Variants in ANXA5 observed in about 807,000 individuals in gnomAD.
The protein encoded by ANXA5 is CBP-I.
A neutral mutation model predicts 48.1 loss-of-function variants in ANXA5; 40 were observed. The observed-to-expected ratio is 0.83, with a 90% CI of 0.65 to 1.08. The LOEUF (loss-of-function observed/expected upper bound fraction) is 1.08, where lower values mean the gene tolerates loss of function less well. ANXA5 is among the 50% of genes least tolerant of loss of function. ANXA5 has a pLI of 0.00. For synonymous variants in ANXA5, 113 were observed against 129.1 expected (o/e 0.88, Z 0.85); for missense variants, 357 against 376.8 (o/e 0.95, Z 0.44).
At chr4:121,685,034 G>GTATATATATATATATA (rs71599154) in intron 3 of ANXA5, among the ~76,000 whole-genome samples, 1 of 135,926 alleles carries the variant, frequency 7.4e-6, no homozygotes, top group African/African-American at 2.8e-5. Context: ...AAAAAAATAT[G>GTATATATATATATATA]TATATATATA....
intron 2 of ANXA5, among the ~76,000 whole-genome samples, chr4:121,693,165 C>T (rs1227231548): frequency 1.3e-5 from 2 of 151,662 alleles, no homozygotes; most frequent in Non-Finnish European, 2.9e-5. Flanking sequence ...ACCCAGGAAG[C>T]AGAGGTTGCA....
At chr4:121,676,876 A>C (rs1439888423) in intron 8 of ANXA5, among the ~76,000 whole-genome samples, 1 of 152,118 alleles carries the variant, frequency 6.6e-6, no homozygotes, top group East Asian at 1.9e-4. Context: ...AGGAACCCGG[A>C]CTTTATCCTG....
chr4:121,683,934 T>C (rs958585599), intron 4 of ANXA5, among the ~76,000 whole-genome samples: 1 of 152,138 alleles, frequency 6.6e-6, no homozygotes, highest in Non-Finnish European at 1.5e-5. Flanking sequence ...TAGTCATTGT[T>C]ATGACTCCTG....
intron 8 of ANXA5, 57 bp downstream of exon 8, chr4:121,677,837 G>T: frequency 7.1e-7 from 1 of 1,410,804 alleles, no homozygotes; most frequent in Non-Finnish European, 1.0e-6. Flanking sequence ...TCATTACCAT[G>T]AATTATTTCT....
intron 4 of ANXA5, 147 bp from the exon 5 acceptor site, chr4:121,683,624 C>A: frequency 4.2e-6 from 2 of 480,290 alleles, no homozygotes; most frequent in Non-Finnish European, 7.5e-6. Flanking sequence ...AACCCTATAA[C>A]CTTGAATAAC....
intron 7 of ANXA5, 50 bp from the exon 8 acceptor site, chr4:121,678,000 A>T: frequency 1.4e-6 from 2 of 1,472,678 alleles, no homozygotes; most frequent in Non-Finnish European, 9.5e-7. Flanking sequence ...ATTCTCATTC[A>T]AAAGGAAAAA....
chr4:121,677,765 T>G, intron 8 of ANXA5, 129 bp downstream of exon 8: 1 of 811,614 alleles, frequency 1.2e-6, no homozygotes, highest in Non-Finnish European at 2.1e-6. Flanking sequence ...GGTCTTATGC[T>G]ATGTAAATAA....
chr4:121,671,058 A>T (rs958726358), intron 10 of ANXA5, among the ~76,000 whole-genome samples: 3 of 152,198 alleles, frequency 2.0e-5, no homozygotes, highest in African/African-American at 7.2e-5. Flanking sequence ...GATTATTCTG[A>T]ATATTTAATT....
At chr4:121,690,907 G>T (rs750487272) in intron 2 of ANXA5, among the ~76,000 whole-genome samples, 4 of 152,224 alleles carry the variant, frequency 2.6e-5, no homozygotes, top group Non-Finnish European at 5.9e-5. Flanking sequence ...TAAGAGACCA[G>T]ATGTGAATCA....
Position 121,681,657 on chromosome 4 carries a change from TCA to T in ANXA5, c.394+12_394+13del, listed in dbSNP as rs1259195312. On this transcript the variant is annotated intron_variant, in intron 6 of 12. Transcript: ENST00000296511. ...AGTGGAGGTGAAGTCAAAATATAAC[TCA>T]CAAACATTTACCTTCTTCATAAACT... The T allele has an allele frequency of 6.3e-7, 1 of 1,582,852 alleles. No homozygotes were observed. The highest frequency in any genetic ancestry group is 8.7e-7 in the Non-Finnish European group (1 of 1,153,934).
At chr4:121,691,038 T>C (rs1168857294) in intron 2 of ANXA5, among the ~76,000 whole-genome samples, 1 of 152,218 alleles carries the variant, frequency 6.6e-6, no homozygotes, top group African/African-American at 2.4e-5. Context: ...GCTTCCCCTG[T>C]TTCCTGGAGT....
intron 7 of ANXA5, 160 bp downstream of exon 7, chr4:121,678,255 C>T (rs115172278): frequency 3.8e-4 from 242 of 644,692 alleles, no homozygotes; most frequent in African/African-American, 3.7e-3. Context: ...TATTCTGAAA[C>T]ACAAACAAGC....
intron 2 of ANXA5, among the ~76,000 whole-genome samples, chr4:121,689,917 T>C (rs544461656): frequency 6.6e-6 from 1 of 152,180 alleles, no homozygotes; most frequent in South Asian, 2.1e-4. Flanking sequence ...TTCTGTTTTT[T>C]GGATGAGAAA....
At chr4:121,692,354 C>T (rs1206758125) in intron 2 of ANXA5, among the ~76,000 whole-genome samples, 2 of 152,208 alleles carry the variant, frequency 1.3e-5, no homozygotes. Flanking sequence ...GTAAGAATGA[C>T]TTCCCTTGAC....
At chr4:121,673,469 TGCAGTTG>T (rs1724645081) in intron 8 of ANXA5, among the ~76,000 whole-genome samples, 1 of 152,216 alleles carries the variant, frequency 6.6e-6, no homozygotes. Context: ...GGCTGCTACT[TGCAGTTG>T]GCCTTATACC....
intron 8 of ANXA5, among the ~76,000 whole-genome samples, chr4:121,675,775 A>C (rs1261115560): frequency 1.3e-5 from 2 of 152,250 alleles, no homozygotes; most frequent in Non-Finnish European, 2.9e-5. Context: ...CCAGACTCCC[A>C]GCCCCTGCCC....
At chr4:121,691,436 T>G (rs1277763836) in intron 2 of ANXA5, among the ~76,000 whole-genome samples, 2 of 152,244 alleles carry the variant, frequency 1.3e-5, no homozygotes, top group African/African-American at 2.4e-5. Context: ...AGTATTCACC[T>G]GTCTGGAACA....
chr4:121,676,856 T>G (rs1476780273), intron 8 of ANXA5, among the ~76,000 whole-genome samples: 1 of 152,118 alleles, frequency 6.6e-6, no homozygotes, highest in Non-Finnish European at 1.5e-5. Flanking sequence ...AAGGGGCTTG[T>G]AACCCATTCA....
intron 5 of ANXA5, among the ~76,000 whole-genome samples, chr4:121,682,910 T>C (rs1724816452): frequency 6.6e-6 from 1 of 152,134 alleles, no homozygotes; most frequent in Admixed American, 6.5e-5. Context: ...TTTTAGTGTT[T>C]AGAGGGGCAG....
Sources: gnomAD v4.1 joint callset for allele counts (sites outside exome capture counted in the v4.1 genomes callset) on GRCh38, gnomAD v4.1.1 for gene constraint, MANE v1.5 for transcripts, NCBI Gene and HGNC (gene_info 2026-07-23, HGNC 2026-07-21) for gene names.